ABI3BP: variants seen among roughly 807,000 people sequenced by gnomAD.
ABI3BP encodes target of Nesh-SH3.
In ABI3BP, 216 loss-of-function variants were observed where a neutral mutation model predicts 268.6. The observed-to-expected ratio is 0.80, with a 90% CI of 0.72 to 0.90. ABI3BP has a LOEUF of 0.90. Ranked by LOEUF, ABI3BP falls within the 40% of genes least tolerant of loss-of-function variation. The pLI, the probability that ABI3BP is intolerant of heterozygous loss-of-function variation, is 0.00. For synonymous variants in ABI3BP, 730 were observed against 730.0 expected (o/e 1.00, Z 0.00); for missense variants, 2,090 against 2,182.4 (o/e 0.96, Z 0.84).
rs1167503911 is a variant in ABI3BP at position 100,940,786 on chromosome 3, CTATATATATATATATATATATATATATA to C, written c.80-14333_80-14306del. 6.4e-3 allele frequency among the ~76,000 whole-genome samples: 65 copies of C among 10,142 alleles called. 5 individuals carry two copies. Among genetic ancestry groups the C allele is most frequent in the Middle Eastern group, 0.14 (2 of 14 alleles). 6.7% of individuals were successfully genotyped at this position (10,142 alleles called of 152,430 possible). On this transcript the variant is annotated intron_variant, in intron 1 of 67. Transcript: ENST00000471714. ...CTCATTTACAAAGGAAATTACTTCA[CTATATATATATATATATATATATATATA>C]TATATATATATATATATGATATGAT...
chr3:100,957,258 A>G (rs1263678856), intron 1 of ABI3BP, among the ~76,000 whole-genome samples: 2 of 152,308 alleles, frequency 1.3e-5, no homozygotes, highest in South Asian at 4.2e-4. Flanking sequence ...AGATGAATCA[A>G]AAGAGAAATT....
chr3:100,938,796 CAGA>C (rs2067433053), intron 1 of ABI3BP, among the ~76,000 whole-genome samples: 1 of 152,134 alleles, frequency 6.6e-6, no homozygotes, highest in Non-Finnish European at 1.5e-5. Context: ...GACCTTCCAT[CAGA>C]AGGAGAGTCT....
At position 100,959,306 on chromosome 3, in the gene ABI3BP, C is replaced by T. The variant is rs571079501; in HGVS notation, c.80-32825G>A. 2.1e-4 allele frequency among the ~76,000 whole-genome samples: 32 copies of T among 151,170 alleles called. No homozygotes were observed. In the South Asian group the frequency reaches 4.4e-3, roughly 21 times the overall value. ...GAGATCGAGACCATCCTGGCTAACA[C>T]GGTGAAACCCCGTCTCTACTAAAAA... On this transcript the variant is annotated intron_variant, in intron 1 of 67. Transcript: ENST00000471714.
intron 1 of ABI3BP, among the ~76,000 whole-genome samples, chr3:100,985,046 A>G (rs1016929052): frequency 1.3e-5 from 2 of 152,102 alleles, no homozygotes; most frequent in Non-Finnish European, 2.9e-5. Context: ...TCCACTGATA[A>G]AAGTATATTT....
chr3:100,902,955 CT>C (rs2051183980), intron 2 of ABI3BP, among the ~76,000 whole-genome samples: 1 of 152,164 alleles, frequency 6.6e-6, no homozygotes, highest in Admixed American at 6.5e-5. Flanking sequence ...ATTTTAAACG[CT>C]GTCTTCATCA....
intron 14 of ABI3BP, among the ~76,000 whole-genome samples, chr3:100,859,435 G>A (rs1454495097): frequency 1.3e-5 from 2 of 152,134 alleles, no homozygotes; most frequent in African/African-American, 4.8e-5. Flanking sequence ...TCATGGTTTT[G>A]TGGACCACCA....
rs185789601 is a variant in ABI3BP, at chr3:100,884,046, A to G, written c.696+1490T>C. On this transcript the variant is annotated intron_variant, in intron 6 of 67. Coordinates refer to ENST00000471714, the MANE Select transcript of ABI3BP (RefSeq NM_001375547.2). Reference sequence around the variant, plus strand: ...TGAAAACAGCAAGATAGAAAATTGCAAATATAGTATGATTTTAATTTGTAA... The same window carrying G: ...TGAAAACAGCAAGATAGAAAATTGCGAATATAGTATGATTTTAATTTGTAA... Among the ~76,000 whole-genome samples the G allele has an allele frequency of 6.8e-4, 104 of 152,228 alleles. No homozygotes were observed. In the East Asian group the frequency reaches 0.017, roughly 25 times the overall value.
chr3:100,793,903 C>G (rs2097265794), intron 54 of ABI3BP, among the ~76,000 whole-genome samples: 1 of 151,958 alleles, frequency 6.6e-6, no homozygotes, highest in Admixed American at 6.6e-5. Context: ...GTTTCCCACA[C>G]AGCACATTTG....
intron 6 of ABI3BP, among the ~76,000 whole-genome samples, chr3:100,881,397 G>GA (rs1016514257): frequency 1.1e-4 from 16 of 151,792 alleles, no homozygotes; most frequent in African/African-American, 3.9e-4. Context: ...ATCTCTGATG[G>GA]AAAATAAAAA....
In ABI3BP at chr3:100,834,669, C is replaced by A. The variant is rs1008340897; in HGVS notation, c.2281+15G>T. 2 of 1,534,438 alleles carry A rather than the reference C, an allele frequency of 1.3e-6. No individual in the cohort carries two copies. Among genetic ancestry groups the A allele is most frequent in the Non-Finnish European group, 1.7e-6 (2 of 1,145,660 alleles). ...AATGGGATGCCACAGGGACAAGGAA[C>A]CACATATTATTTACCTAGTTTGGTC... On this transcript the variant is annotated intron_variant, in intron 29 of 67. Coordinates refer to ENST00000471714, the MANE Select transcript of ABI3BP (RefSeq NM_001375547.2).
In ABI3BP at chr3:100,791,132, G is replaced by A. The variant is rs113836675; in HGVS notation, c.4024+1559C>T. On this transcript the variant is annotated intron_variant, in intron 55 of 67. Coordinates refer to ENST00000471714, the MANE Select transcript of ABI3BP (RefSeq NM_001375547.2). ...AAGGATATAAGAAAAAAGTCAGCAT[G>A]TACAAATATGTTAAGACAATTTATA... Among the ~76,000 whole-genome samples the A allele has an allele frequency of 3.6e-3, 548 of 151,920 alleles. 5 individuals are homozygous for A. The highest frequency in any genetic ancestry group is 5.3e-3 in the Non-Finnish European group (359 of 67,846).
chr3:100,917,657 A>G (rs1193633914), intron 2 of ABI3BP, among the ~76,000 whole-genome samples: 1 of 152,184 alleles, frequency 6.6e-6, no homozygotes, highest in African/African-American at 2.4e-5. Flanking sequence ...ATCGAGAATG[A>G]CTTTTTAAAA....
intron 1 of ABI3BP, among the ~76,000 whole-genome samples, chr3:100,985,439 A>G (rs746288238): frequency 2.0e-5 from 3 of 152,076 alleles, no homozygotes; most frequent in African/African-American, 2.4e-5. Context: ...ATGAGCCACC[A>G]TGCCTGGCCA....
At chr3:100,974,976 T>A (rs1029355782) in intron 1 of ABI3BP, among the ~76,000 whole-genome samples, 1 of 152,180 alleles carries the variant, frequency 6.6e-6, no homozygotes, top group Non-Finnish European at 1.5e-5. Flanking sequence ...AGCAAGCAAG[T>A]TGTTTATAGA....
chr3:100,840,763 A>AG, intron 22 of ABI3BP, 57 bp downstream of exon 22: 3 of 1,396,722 alleles, frequency 2.1e-6, no homozygotes, highest in Middle Eastern at 1.7e-4. Flanking sequence ...CTGTCAACAC[A>AG]GATACCAGCA....
intron 20 of ABI3BP, chr3:100,843,584 G>A: frequency 1.0e-6 from 1 of 982,560 alleles, no homozygotes; most frequent in South Asian, 4.7e-5. Flanking sequence ...GGAGAAGAAA[G>A]AGTGTCTGGG....
chr3:100,909,419 T>C (rs902122395), intron 2 of ABI3BP, among the ~76,000 whole-genome samples: 1 of 149,584 alleles, frequency 6.7e-6, no homozygotes, highest in Admixed American at 6.7e-5. Context: ...AAATGGGATC[T>C]GATTAAACTA....
At chr3:100,786,638 G>T (rs535307959) in intron 57 of ABI3BP, among the ~76,000 whole-genome samples, 1 of 152,160 alleles carries the variant, frequency 6.6e-6, no homozygotes, top group South Asian at 2.1e-4. Context: ...TAAACAATTT[G>T]TACCTGCCTT....
At chr3:100,949,376 C>A (rs1035259707) in intron 1 of ABI3BP, among the ~76,000 whole-genome samples, 1 of 152,172 alleles carries the variant, frequency 6.6e-6, no homozygotes, top group Non-Finnish European at 1.5e-5. Context: ...GTGCCTCAGT[C>A]TCCCAAGTAG....
Sources: allele counts gnomAD v4.1 joint callset (sites outside exome capture counted in the v4.1 genomes callset), GRCh38; gene constraint gnomAD v4.1.1; transcripts MANE v1.5; gene names NCBI Gene and HGNC (gene_info 2026-07-23, HGNC 2026-07-21).